RPH3AL: variants seen among roughly 807,000 people sequenced by gnomAD.
RPH3AL encodes rabphilin 3A like (without C2 domains), also known as rab effector Noc2.
RPH3AL carries 38 observed loss-of-function variants against 43.1 expected under a neutral mutation model. That is an observed-to-expected ratio of 0.88 (90% CI 0.68 to 1.15). RPH3AL has a LOEUF of 1.15. Among genes scored for constraint, RPH3AL ranks in the 50% most tolerant of loss-of-function variants. The pLI, the probability that RPH3AL is intolerant of heterozygous loss-of-function variation, is 0.00. For synonymous variants in RPH3AL, 189 were observed against 176.3 expected (o/e 1.07, Z -0.57); for missense variants, 462 against 423.2 (o/e 1.09, Z -0.81).
intron 6 of RPH3AL, among the ~76,000 whole-genome samples, chr17:265,609 T>C (rs1047961089): frequency 5.3e-5 from 8 of 152,238 alleles, no homozygotes; most frequent in African/African-American, 1.9e-4. Context: ...CTCCTTGTTG[T>C]TGTCCTTTTC....
At chr17:231,562 A>T (rs759947007) in intron 7 of RPH3AL, among the ~76,000 whole-genome samples, 5 of 152,242 alleles carry the variant, frequency 3.3e-5, no homozygotes, top group Non-Finnish European at 7.3e-5. Flanking sequence ...CAGATGGGGC[A>T]GAGAGGCCCA....
chr17:322,000 G>T (rs929284549), intron 3 of RPH3AL, among the ~76,000 whole-genome samples: 3 of 152,218 alleles, frequency 2.0e-5, no homozygotes, highest in African/African-American at 7.2e-5. Context: ...TTCACCAGGG[G>T]ACAGGAAAGC....
chr17:274,840 T>C lies in RPH3AL; in HGVS notation c.438+6928A>G, dbSNP rs1388546129. ...GCATGCTAGGGCTCAGGAACATAAT[T>C]AGACAATTGTTTGGTGTCTAGGAAA... On this transcript the variant is annotated intron_variant, in intron 6 of 9. Transcript: ENST00000331302. The surrounding 1 kb of genome is among the most constrained non-coding windows in gnomAD (Gnocchi z 4.7). Among the ~76,000 whole-genome samples the C allele has an allele frequency of 1.3e-5, 2 of 152,086 alleles. No homozygotes were observed. The highest frequency in any genetic ancestry group is 2.4e-5 in the African/African-American group (1 of 41,364).
At chr17:222,685 G>C (rs2151504198) in intron 7 of RPH3AL, among the ~76,000 whole-genome samples, 1 of 152,256 alleles carries the variant, frequency 6.6e-6, no homozygotes, top group East Asian at 1.9e-4. Context: ...CTGCAAGATT[G>C]GCCCACACAG....
In RPH3AL at chr17:274,786, C is replaced by T. The variant is rs1451391557; in HGVS notation, c.438+6982G>A. Among the ~76,000 whole-genome samples, 3 of 152,176 alleles carry T rather than the reference C, an allele frequency of 2.0e-5. No individual in the cohort carries two copies. Among genetic ancestry groups the T allele is most frequent in the Admixed American group, 2.0e-4 (3 of 15,278 alleles). ...GCTGCAGAAGCGGGGAGGGGAAAAC[C>T]TCCAAAGTGTTTAGTGCAGGTGAAT... On this transcript the variant is annotated intron_variant, in intron 6 of 9. Transcript: ENST00000331302. The surrounding 1 kb of genome is among the most constrained non-coding windows in gnomAD (Gnocchi z 4.7).
At chr17:272,062 T>A (rs1396160672) in intron 6 of RPH3AL, among the ~76,000 whole-genome samples, 1 of 152,160 alleles carries the variant, frequency 6.6e-6, no homozygotes, top group African/African-American at 2.4e-5. Flanking sequence ...TGAGATACCA[T>A]CTCACACCAG....
chr17:262,813 A>G (rs1259942723), intron 6 of RPH3AL, among the ~76,000 whole-genome samples: 1 of 152,144 alleles, frequency 6.6e-6, no homozygotes, highest in Non-Finnish European at 1.5e-5. Context: ...GCACACAACT[A>G]GGGACAGCCC....
chr17:314,162 G>C (rs1042511790), intron 5 of RPH3AL, among the ~76,000 whole-genome samples: 1 of 152,170 alleles, frequency 6.6e-6, no homozygotes, highest in African/African-American at 2.4e-5. Context: ...AGCGGCCTCT[G>C]CAGCACAGGC....
At chr17:320,845 G>A (rs878904208) in intron 4 of RPH3AL, among the ~76,000 whole-genome samples, 2 of 152,240 alleles carry the variant, frequency 1.3e-5, no homozygotes, top group Admixed American at 6.5e-5. Flanking sequence ...CGCTGGAGGC[G>A]GAGGCCAGGA....
intron 6 of RPH3AL, among the ~76,000 whole-genome samples, chr17:272,795 A>C (rs1221156659): frequency 1.4e-5 from 2 of 142,340 alleles, no homozygotes; most frequent in East Asian, 4.2e-4. Flanking sequence ...CACACCAAAA[A>C]ACCATGTAAG....
rs574797951 is a variant in RPH3AL at position 297,900 on chromosome 17, C to T, written c.352-16046G>A. Among the ~76,000 whole-genome samples the T allele has an allele frequency of 2.0e-4, 30 of 152,298 alleles. 1 individual carries two copies. Among genetic ancestry groups the T allele is most frequent in the South Asian group, 1.9e-3 (9 of 4,814 alleles). On this transcript the variant is annotated intron_variant, in intron 5 of 9. Coordinates refer to ENST00000331302, the MANE Select transcript of RPH3AL (RefSeq NM_006987.4). Reference sequence around the variant, plus strand: ...CTAGCCAGCGGACAGGGAGGCTTCACGAGCTGATGGGGAGAGAGGCAAGAA... The same window carrying T: ...CTAGCCAGCGGACAGGGAGGCTTCATGAGCTGATGGGGAGAGAGGCAAGAA...
At chr17:319,622 G>T in intron 4 of RPH3AL, 73 bp from the exon 5 acceptor site, 1 of 1,565,706 alleles carries the variant, frequency 6.4e-7, no homozygotes, top group Admixed American at 1.7e-5. Flanking sequence ...GCCCGAAACC[G>T]TACCATGCCA....
In RPH3AL at chr17:213,909, A is replaced by T. The variant is rs1567555115; in HGVS notation, c.891T>A (p.Pro297=). ...LTRRAPVKDT[P]GRAPAADAAP... is the part of the protein sequence containing the mutation. ...CTGCGTCAGCAGCGGGGGCTCGTCC[A>T]GGTGTGTCTTTTACCTTTGGATGAG... Residue 297 remains proline, a synonymous_variant, in exon 10 of 10, where the codon CCT becomes CCA. Transcript: ENST00000331302. 1.2e-6 allele frequency: 2 copies of T among 1,613,224 alleles called. No homozygotes were observed. Among genetic ancestry groups the T allele is most frequent in the Non-Finnish European group, 1.7e-6 (2 of 1,179,836 alleles).
At chr17:254,560 G>A (rs2042012198) in intron 6 of RPH3AL, among the ~76,000 whole-genome samples, 1 of 6,386 alleles carries the variant, frequency 1.6e-4, no homozygotes, top group Non-Finnish European at 2.5e-4. Context: ...ACTACCCAAC[G>A]TACTTCCTAT....
In RPH3AL at chr17:319,548, G is replaced by C; in HGVS notation, c.223C>G (p.Arg75Gly). 6.2e-7 allele frequency: 1 copy of C among 1,610,554 alleles called. No individual in the cohort carries two copies. The highest frequency in any genetic ancestry group is 1.1e-5 in the South Asian group (1 of 91,072). The change falls in exon 5 of 10, where the codon CGG (arginine) becomes GGG (glycine). Residue 75 changes from arginine (R) to glycine (G), a missense_variant and splice_region_variant. Transcript: ENST00000331302. The part of the protein sequence containing the change: ...LDVLEQQRIG[R>G]LVERLETMRR... Reference sequence around the variant, plus strand: ...ATGGTCTCCAGCCGCTCCACCAGCCGCCTGCAGCACAGGACACAGAGTCAG... The same window carrying C: ...ATGGTCTCCAGCCGCTCCACCAGCCCCCTGCAGCACAGGACACAGAGTCAG...
rs116166029 is a variant in RPH3AL, at chr17:311,695, C to T, written c.351+7725G>A. On this transcript the variant is annotated intron_variant, in intron 5 of 9. Transcript: ENST00000331302. ...AGACAATTATAACGAGACATTTATA[C>T]GAGCACAAAGACTGAGGCGTTTCCC... 2.4e-3 allele frequency among the ~76,000 whole-genome samples: 370 copies of T among 152,318 alleles called. 4 individuals are homozygous for T. The highest frequency in any genetic ancestry group is 8.3e-3 in the African/African-American group (345 of 41,566).
chr17:213,973 T>TCCCTC, intron 9 of RPH3AL, 50 bp from the exon 10 acceptor site: 1 of 1,418,384 alleles, frequency 7.1e-7, no homozygotes, highest in Non-Finnish European at 9.8e-7. Context: ...GTGGAGTCCC[T>TCCCTC]CCCTCCCCGG....
chr17:313,757 A>G (rs1306823823), intron 5 of RPH3AL, among the ~76,000 whole-genome samples: 1 of 152,178 alleles, frequency 6.6e-6, no homozygotes. Flanking sequence ...CAGGGCTTGC[A>G]CACAATGGGC....
At chr17:281,570 G>A (rs1598005743) in intron 6 of RPH3AL, among the ~76,000 whole-genome samples, 198 bp downstream of exon 6, 1 of 151,774 alleles carries the variant, frequency 6.6e-6, no homozygotes, top group African/African-American at 2.4e-5. Flanking sequence ...CTGTCCCTCC[G>A]TGCTTTTCTC....
Sources: allele counts gnomAD v4.1 joint callset (sites outside exome capture counted in the v4.1 genomes callset), GRCh38; gene constraint gnomAD v4.1.1; non-coding constraint Gnocchi (gnomAD v3.1); transcripts MANE v1.5; gene names NCBI Gene and HGNC (gene_info 2026-07-23, HGNC 2026-07-21).